The following ULK4 variants were observed in gnomAD, a reference collection of about 807,000 sequenced individuals.
ULK4 encodes inactive serine/threonine-protein kinase ULK4.
ULK4 carries 133 observed loss-of-function variants against 160.6 expected under a neutral mutation model. The observed-to-expected ratio is 0.83, with a 90% CI of 0.72 to 0.96. ULK4 has a LOEUF of 0.96. ULK4 is among the 40% of genes least tolerant of loss of function. The probability of loss-of-function intolerance (pLI) is 0.00; values close to 1 mark genes in which losing one functional copy is unlikely to be tolerated. For synonymous variants in ULK4, 534 were observed against 539.8 expected, an observed-to-expected ratio of 0.99 and a Z score of 0.15; for missense variants, 1,580 against 1,499.5, an observed-to-expected ratio of 1.05 and a Z score of -0.89.
At chr3:41,409,749 G>A (rs111496224) in intron 34 of ULK4, among the ~76,000 whole-genome samples, 4,446 of 152,118 alleles carry the variant, frequency 0.029, 206 homozygotes, top group African/African-American at 0.099. Context: ...AGGAGTTTGA[G>A]ACCAGCCTGG....
At chr3:41,380,953 C>A (rs2081636631) in intron 35 of ULK4, among the ~76,000 whole-genome samples, 1 of 152,132 alleles carries the variant, frequency 6.6e-6, no homozygotes, top group South Asian at 2.1e-4. Flanking sequence ...GCTGCTGGGC[C>A]TGGAGAAGGC....
At chr3:41,811,842 G>A (rs1222154053) in intron 19 of ULK4, among the ~76,000 whole-genome samples, 2 of 152,262 alleles carry the variant, frequency 1.3e-5, no homozygotes, top group East Asian at 3.9e-4. Context: ...TACGCTTTGG[G>A]AGAGGAAGCT....
At chr3:41,883,988 A>C in intron 16 of ULK4, 36 bp from the exon 17 acceptor site, 1 of 1,485,850 alleles carries the variant, frequency 6.7e-7, no homozygotes, top group Non-Finnish European at 9.4e-7. Flanking sequence ...TGAAAAGAAG[A>C]GTCGGGGACC....
chr3:41,858,231 A>G (rs181664010), intron 17 of ULK4, among the ~76,000 whole-genome samples: 290 of 145,094 alleles, frequency 2.0e-3, no homozygotes, highest in Non-Finnish European at 3.3e-3. Flanking sequence ...GCTTACTGCA[A>G]GCCTCCACCA....
Position 41,855,307 on chromosome 3 carries a change from G to C in ULK4, c.1657-19336C>G, listed in dbSNP as rs937760240. On this transcript the variant is annotated intron_variant, in intron 17 of 36. Coordinates refer to ENST00000301831, the MANE Select transcript of ULK4 (RefSeq NM_017886.4). ...AAACAAAACCTGATGAATATGGAGG[G>C]AGAAACCATTCCAGGCAGAGAAAAC... is the stretch of plus-strand genomic sequence containing the variant. 8.5e-5 allele frequency among the ~76,000 whole-genome samples: 13 copies of C among 152,298 alleles called. No homozygotes were observed. The South Asian group carries it at 1.4e-3, about 17-fold the overall frequency.
chr3:41,289,376 T>C (rs557147064), intron 35 of ULK4, among the ~76,000 whole-genome samples: 7 of 152,342 alleles, frequency 4.6e-5, no homozygotes, highest in Admixed American at 3.9e-4. Context: ...TGACTCTGTC[T>C]ACTCTAAATT....
At chr3:41,799,808 A>G (rs2040403256) in intron 20 of ULK4, among the ~76,000 whole-genome samples, 3 of 152,170 alleles carry the variant, frequency 2.0e-5, no homozygotes, top group Non-Finnish European at 2.9e-5. Context: ...GATTGCAGTA[A>G]GCCAAGATCA....
intron 20 of ULK4, among the ~76,000 whole-genome samples, chr3:41,791,580 G>A (rs1359717619): frequency 6.6e-6 from 1 of 152,184 alleles, no homozygotes; most frequent in East Asian, 1.9e-4. Flanking sequence ...GGGCCACGAA[G>A]AACCTTCGAT....
At chr3:41,827,532 T>C (rs2041405785) in intron 18 of ULK4, among the ~76,000 whole-genome samples, 1 of 151,850 alleles carries the variant, frequency 6.6e-6, no homozygotes, top group African/African-American at 2.4e-5. Context: ...TCTATGCAAA[T>C]AAACTAGAAA....
At chr3:41,498,437 A>G (rs1379195972) in intron 32 of ULK4, among the ~76,000 whole-genome samples, 2 of 152,216 alleles carry the variant, frequency 1.3e-5, no homozygotes, top group East Asian at 3.8e-4. Flanking sequence ...AACCAATTCT[A>G]TAAATTCTCA....
intron 30 of ULK4, among the ~76,000 whole-genome samples, chr3:41,643,071 A>T (rs1361747990): frequency 6.6e-6 from 1 of 151,972 alleles, no homozygotes; most frequent in African/African-American, 2.4e-5. Context: ...CTTTGAGTTC[A>T]TTGTAGATTC....
chr3:41,382,246 G>C (rs2081672420), intron 35 of ULK4, among the ~76,000 whole-genome samples: 1 of 152,230 alleles, frequency 6.6e-6, no homozygotes, highest in African/African-American at 2.4e-5. Context: ...AGGGTTTTCT[G>C]TCTGTCTTGT....
intron 22 of ULK4, among the ~76,000 whole-genome samples, chr3:41,723,024 T>C (rs1409931163): frequency 6.6e-6 from 1 of 152,152 alleles, no homozygotes; most frequent in African/African-American, 2.4e-5. Context: ...TTCCCACCAG[T>C]AGTGTATGCG....
At chr3:41,375,419 T>TA (rs1319621688) in intron 35 of ULK4, among the ~76,000 whole-genome samples, 1 of 150,100 alleles carries the variant, frequency 6.7e-6, no homozygotes, top group Non-Finnish European at 1.5e-5. Context: ...ATGGTACTGG[T>TA]ACCATAACAG....
At chr3:41,756,887 T>C (rs149035087) in intron 21 of ULK4, among the ~76,000 whole-genome samples, 221 of 152,294 alleles carry the variant, frequency 1.5e-3, no homozygotes, top group African/African-American at 5.0e-3. Context: ...GAAGAGGCCA[T>C]GGGAGGTAGG....
chr3:41,275,882 G>A (rs2079221073), intron 35 of ULK4, among the ~76,000 whole-genome samples: 1 of 152,238 alleles, frequency 6.6e-6, no homozygotes, highest in South Asian at 2.1e-4. Flanking sequence ...GGTGGTTAAT[G>A]ATCTGTCCTC....
At chr3:41,271,312 CCATA>C (rs1343413450) in intron 35 of ULK4, among the ~76,000 whole-genome samples, 2 of 152,026 alleles carry the variant, frequency 1.3e-5, no homozygotes, top group African/African-American at 4.8e-5. Flanking sequence ...TGGAATCATA[CCATA>C]TATATTCTTC....
intron 34 of ULK4, among the ~76,000 whole-genome samples, chr3:41,446,384 C>T (rs928868663): frequency 2.0e-5 from 3 of 151,894 alleles, no homozygotes; most frequent in East Asian, 3.9e-4. Context: ...GGGTATATAC[C>T]CAAAGGATTA....
At chr3:41,498,731 G>A (rs1559651440) in intron 32 of ULK4, among the ~76,000 whole-genome samples, 1 of 152,036 alleles carries the variant, frequency 6.6e-6, no homozygotes, top group Admixed American at 6.5e-5. Context: ...GAGTAGCTGG[G>A]ACTACAGGTG....
Sources: gnomAD v4.1 joint callset for allele counts (sites outside exome capture counted in the v4.1 genomes callset) on GRCh38, gnomAD v4.1.1 for gene constraint, MANE v1.5 for transcripts, NCBI Gene and HGNC (gene_info 2026-07-23, HGNC 2026-07-21) for gene names.